The following ARL15 variants were observed in gnomAD, a reference collection of about 807,000 sequenced individuals.
ARL15 encodes ADP-ribosylation factor-like protein 15.
Under a neutral mutation model 25.2 loss-of-function variants are expected in ARL15, and 19 were observed. The observed-to-expected ratio is 0.75, with a 90% CI of 0.53 to 1.10. ARL15 has a LOEUF of 1.10. Among genes scored for constraint, ARL15 ranks in the 50% least tolerant of loss-of-function variants. The pLI is 0.00. For missense variants in ARL15, 220 were observed against 246.0 expected, an observed-to-expected ratio of 0.89 and a Z score of 0.71; for synonymous variants, 94 against 86.8, an observed-to-expected ratio of 1.08 and a Z score of -0.46.
At chr5:54,212,576 A>G (rs1756074392) in intron 1 of ARL15, among the ~76,000 whole-genome samples, 1 of 152,218 alleles carries the variant, frequency 6.6e-6, no homozygotes, top group South Asian at 2.1e-4. Context: ...CTGGGGCTAG[A>G]CACATTGCTG....
At chr5:54,228,441 C>G (rs183695512) in intron 1 of ARL15, among the ~76,000 whole-genome samples, 5 of 152,266 alleles carry the variant, frequency 3.3e-5, no homozygotes, top group Admixed American at 1.3e-4. Context: ...ACTCAGATAA[C>G]TGATGAAATC....
intron 1 of ARL15, among the ~76,000 whole-genome samples, chr5:54,272,107 C>CTTTTTTTTTT (rs34592464): frequency 1.1e-4 from 4 of 36,790 alleles, no homozygotes; most frequent in Non-Finnish European, 2.2e-4. Flanking sequence ...CCACTCCTGG[C>CTTTTTTTTTT]TTTTTTTTTT....
chr5:53,932,165 T>G (rs1056221783), intron 4 of ARL15, among the ~76,000 whole-genome samples: 1 of 152,098 alleles, frequency 6.6e-6, no homozygotes, highest in African/African-American at 2.4e-5. Flanking sequence ...TACAGAAAAA[T>G]CATAGGCATG....
intron 4 of ARL15, among the ~76,000 whole-genome samples, chr5:54,022,686 A>G (rs1749645181): frequency 6.6e-6 from 1 of 152,186 alleles, no homozygotes; most frequent in African/African-American, 2.4e-5. Flanking sequence ...TCAAAATGCT[A>G]TTTAAGCTTC....
At chr5:54,176,004 T>C (rs1012482649) in intron 1 of ARL15, among the ~76,000 whole-genome samples, 6 of 152,146 alleles carry the variant, frequency 3.9e-5, no homozygotes, top group African/African-American at 1.4e-4. Flanking sequence ...TCCCATGGTT[T>C]CAATCATATA....
chr5:54,079,971 A>T (rs1383398346), intron 4 of ARL15, among the ~76,000 whole-genome samples: 21 of 28,114 alleles, frequency 7.5e-4, no homozygotes, highest in Admixed American at 9.7e-4. Flanking sequence ...ACTCCGTCAC[A>T]CACACACACA....
intron 1 of ARL15, among the ~76,000 whole-genome samples, chr5:54,218,959 C>T (rs936162917): frequency 2.7e-5 from 4 of 146,176 alleles, no homozygotes; most frequent in Admixed American, 2.1e-4. Flanking sequence ...TGGATTTTAA[C>T]GTTTTACGGA....
At chr5:54,040,907 T>C (rs985718084) in intron 4 of ARL15, among the ~76,000 whole-genome samples, 1 of 152,266 alleles carries the variant, frequency 6.6e-6, no homozygotes, top group Non-Finnish European at 1.5e-5. Context: ...TCCTTGTTTT[T>C]ACTTTGTAAC....
chr5:54,296,640 T>C (rs972426639), intron 1 of ARL15, among the ~76,000 whole-genome samples: 2 of 152,218 alleles, frequency 1.3e-5, no homozygotes, highest in African/African-American at 4.8e-5. Context: ...GGCCCGAGGC[T>C]GGGTTATGGC....
rs1311276285 is a variant in ARL15, at chr5:53,961,831, C to T, written c.463-75118G>A. ...TAATTTAATGTATGTCTATAATATA[C>T]ACAAAACAACCCATATTGTTCAGAC... On this transcript the variant is annotated intron_variant, in intron 4 of 4. Coordinates refer to ENST00000504924, the MANE Select transcript of ARL15 (RefSeq NM_019087.3). Among the ~76,000 whole-genome samples the T allele has an allele frequency of 4.6e-5, 7 of 152,114 alleles. No individual in the cohort carries two copies. In the East Asian group the frequency reaches 1.3e-3, roughly 29 times the overall value.
intron 3 of ARL15, among the ~76,000 whole-genome samples, chr5:54,140,850 C>G (rs1579840849): frequency 6.6e-6 from 1 of 152,092 alleles, no homozygotes; most frequent in Non-Finnish European, 1.5e-5. Flanking sequence ...TTTCATTACC[C>G]ATACACAAAA....
intron 4 of ARL15, among the ~76,000 whole-genome samples, chr5:53,980,009 G>A (rs1230030490): frequency 6.6e-6 from 1 of 152,098 alleles, no homozygotes; most frequent in Non-Finnish European, 1.5e-5. Context: ...CTGGCCTAAA[G>A]TCTTGACTCT....
In ARL15 at chr5:54,134,616, T is replaced by C. The variant is rs189144080; in HGVS notation, c.253+19964A>G. Reference sequence around the variant, plus strand: ...TTTTTTTTTTTCTGAGACAGAGTCTTGCTCTCTCGCCAGGCTGGAGTGCAG... The same window carrying C: ...TTTTTTTTTTTCTGAGACAGAGTCTCGCTCTCTCGCCAGGCTGGAGTGCAG... On this transcript the variant is annotated intron_variant, in intron 3 of 4. Coordinates refer to ENST00000504924, the MANE Select transcript of ARL15 (RefSeq NM_019087.3). Among the ~76,000 whole-genome samples the C allele has an allele frequency of 1.2e-3, 158 of 133,010 alleles. 3 individuals carry two copies. The highest frequency in any genetic ancestry group is 6.2e-3 in the Admixed American group (76 of 12,206). 87.3% of individuals were successfully genotyped at this position (133,010 alleles called of 152,430 possible).
At chr5:53,934,983 C>T (rs1228261976) in intron 4 of ARL15, among the ~76,000 whole-genome samples, 1 of 152,120 alleles carries the variant, frequency 6.6e-6, no homozygotes, top group Non-Finnish European at 1.5e-5. Flanking sequence ...TGGGTGAATC[C>T]AGAGCCCTTT....
chr5:54,026,769 C>A lies in ARL15; in HGVS notation c.462+86433G>T, dbSNP rs73754417. Among the ~76,000 whole-genome samples the A allele has an allele frequency of 5.1e-3, 778 of 152,142 alleles. 9 individuals carry two copies. The highest frequency in any genetic ancestry group is 0.018 in the African/African-American group (731 of 41,512). ...CATTATTTTTGCAACAACACCTGTT[C>A]CTGAAGAACAACATGGAGAGACACC... On this transcript the variant is annotated intron_variant, in intron 4 of 4. Coordinates refer to ENST00000504924, the MANE Select transcript of ARL15 (RefSeq NM_019087.3).
At chr5:54,223,633 A>G (rs1358757443) in intron 1 of ARL15, among the ~76,000 whole-genome samples, 2 of 152,244 alleles carry the variant, frequency 1.3e-5, no homozygotes, top group Non-Finnish European at 2.9e-5. Context: ...CAATAAAATA[A>G]CAATCAATTT....
chr5:54,286,910 T>G (rs1346136453), intron 1 of ARL15, among the ~76,000 whole-genome samples: 1 of 149,084 alleles, frequency 6.7e-6, no homozygotes, highest in African/African-American at 2.5e-5. Context: ...ACTGTGTCAC[T>G]CAGGTTGGAG....
intron 1 of ARL15, among the ~76,000 whole-genome samples, chr5:54,256,811 C>A (rs1029800085): frequency 6.6e-6 from 1 of 150,964 alleles, no homozygotes; most frequent in Non-Finnish European, 1.5e-5. Flanking sequence ...AAATGTAATT[C>A]ATCACATAAA....
chr5:54,125,083 TTG>T (rs1223078563), intron 3 of ARL15, among the ~76,000 whole-genome samples: 5 of 150,050 alleles, frequency 3.3e-5, no homozygotes, highest in African/African-American at 9.9e-5. Flanking sequence ...TTGTTTTGTT[TTG>T]TTTTTTTTTT....
Sources: gnomAD v4.1 joint callset for allele counts (sites outside exome capture counted in the v4.1 genomes callset) on GRCh38, gnomAD v4.1.1 for gene constraint, MANE v1.5 for transcripts, NCBI Gene and HGNC (gene_info 2026-07-23, HGNC 2026-07-21) for gene names.